Variants in MPDZ observed in about 807,000 individuals in gnomAD.
MPDZ encodes the protein multiple PDZ domain protein.
Under a neutral mutation model 239.1 loss-of-function variants are expected in MPDZ, and 234 were observed. The ratio of observed to expected loss-of-function variants is 0.98; its 90% CI spans 0.88 to 1.09. The LOEUF is 1.09. Among genes scored for constraint, MPDZ ranks in the 50% least tolerant of loss-of-function variants. The pLI is 0.00. For missense variants in MPDZ, 3,175 were observed against 2,510.0 expected (o/e 1.26, Z -5.66); for synonymous variants, 1,048 against 881.3 (o/e 1.19, Z -3.35).
Position 13,106,912 on chromosome 9 carries a change from T to C in MPDZ, c.*53A>G. On this transcript the variant is annotated 3_prime_UTR_variant, in exon 47 of 47. Transcript: ENST00000319217. ...AAATTGTCAGGACCAGTGCATTCTCTTTACAGTAGGAGGTGAGCTAGGGGT... is the reference window on the plus strand; with the variant it reads ...AAATTGTCAGGACCAGTGCATTCTCCTTACAGTAGGAGGTGAGCTAGGGGT... 5 of 1,596,352 alleles carry C rather than the reference T, an allele frequency of 3.1e-6. No homozygotes were observed. In the South Asian group the frequency reaches 4.5e-5, roughly 14 times the overall value.
Position 13,113,067 on chromosome 9 carries a change from A to T in MPDZ, c.5558-13T>A, listed in dbSNP as rs752498486. On this transcript the variant is annotated splice_polypyrimidine_tract_variant and intron_variant, in intron 41 of 46. Transcript: ENST00000319217. Reference sequence around the variant, plus strand: ...ATTTCAGATGCCACTGTAAAGGCAAAAAAGATAAAATAGGGTTATTTTATG... The same window carrying T: ...ATTTCAGATGCCACTGTAAAGGCAATAAAGATAAAATAGGGTTATTTTATG... 1.3e-6 allele frequency: 2 copies of T among 1,560,846 alleles called. No individual in the cohort carries two copies. Among genetic ancestry groups the T allele is most frequent in the Non-Finnish European group, 1.7e-6 (2 of 1,150,282 alleles).
chr9:13,138,255 A>G lies in MPDZ; in HGVS notation c.4004-102T>C, dbSNP rs1370903708. ...GTTTTACCTCAAAAGGACAGATTTT[A>G]TACCAAAATGTACGCTTTGACAGTT... is the stretch of plus-strand genomic sequence containing the variant. On this transcript the variant is annotated intron_variant, in intron 28 of 46. Coordinates refer to ENST00000319217, the MANE Select transcript of MPDZ (RefSeq NM_001378778.1). 1.0e-5 allele frequency: 13 copies of G among 1,241,536 alleles called. No homozygotes were observed. In the East Asian group the frequency reaches 2.9e-4, roughly 27 times the overall value. The allele number at this position is 1,241,536 out of a possible 1,614,324, so 76.9% of individuals were successfully genotyped here. A position where few individuals can be genotyped will look rare whatever the true frequency, so the allele number is the denominator to read the frequency against.
intron 24 of MPDZ, among the ~76,000 whole-genome samples, chr9:13,153,220 G>A (rs1345579613): frequency 1.3e-5 from 2 of 152,110 alleles, no homozygotes; most frequent in African/African-American, 4.8e-5. Context: ...AATGAAAGCA[G>A]ACACTGAGGC....
intron 4 of MPDZ, 80 bp from the exon 5 acceptor site, chr9:13,223,790 G>A (rs1959596558): frequency 1.2e-5 from 17 of 1,432,644 alleles, no homozygotes; most frequent in Non-Finnish European, 1.6e-5. Flanking sequence ...CCAGCACTTT[G>A]GGAGGCCAAG....
chr9:13,133,141 T>G (rs997696858), intron 32 of MPDZ, among the ~76,000 whole-genome samples: 13 of 152,136 alleles, frequency 8.5e-5, no homozygotes, highest in Non-Finnish European at 1.6e-4. Flanking sequence ...TCATTAAATA[T>G]TATAAACTCT....
chr9:13,180,664 T>G (rs1193455389), intron 19 of MPDZ, among the ~76,000 whole-genome samples: 2 of 152,162 alleles, frequency 1.3e-5, no homozygotes, highest in Admixed American at 1.3e-4. Context: ...AGGAGTAAAA[T>G]GATTAACCAA....
chr9:13,109,811 G>A, intron 45 of MPDZ, 141 bp downstream of exon 45: 2 of 668,702 alleles, frequency 3.0e-6, no homozygotes, highest in Non-Finnish European at 5.2e-6. Flanking sequence ...AGAAGCACCT[G>A]ATATGTATAA....
At chr9:13,236,588 T>G (rs1588023999) in intron 3 of MPDZ, among the ~76,000 whole-genome samples, 2 of 151,694 alleles carry the variant, frequency 1.3e-5, no homozygotes, top group East Asian at 3.9e-4. Flanking sequence ...GCCCTCCATG[T>G]GTATTTTATA....
chr9:13,114,387 A>G (rs1943022522), intron 40 of MPDZ, among the ~76,000 whole-genome samples: 1 of 152,204 alleles, frequency 6.6e-6, no homozygotes, highest in South Asian at 2.1e-4. Flanking sequence ...AACTCATGGT[A>G]GTAATTTAGA....
At chr9:13,251,748 T>C (rs1037424460) in intron 1 of MPDZ, among the ~76,000 whole-genome samples, 3 of 152,212 alleles carry the variant, frequency 2.0e-5, no homozygotes, top group African/African-American at 7.2e-5. Flanking sequence ...CTCTGTGTGA[T>C]AAGAGAGAAC....
At chr9:13,225,691 C>G (rs1960353471) in intron 3 of MPDZ, among the ~76,000 whole-genome samples, 1 of 152,114 alleles carries the variant, frequency 6.6e-6, no homozygotes, top group African/African-American at 2.4e-5. Flanking sequence ...GGTTGGTAGA[C>G]TAGGAGCAAT....
intron 44 of MPDZ, 94 bp downstream of exon 44, chr9:13,110,542 C>T (rs759844803): frequency 8.5e-6 from 7 of 820,902 alleles, no homozygotes; most frequent in Non-Finnish European, 1.4e-5. Flanking sequence ...AAAATAATAG[C>T]AGAAGATTTA....
At chr9:13,119,224 T>C (rs749844751) in intron 39 of MPDZ, among the ~76,000 whole-genome samples, 1 of 152,136 alleles carries the variant, frequency 6.6e-6, no homozygotes, top group East Asian at 1.9e-4. Context: ...GCTGGGACTA[T>C]AGGCACGCAC....
chr9:13,245,487 A>G (rs971816325), intron 3 of MPDZ, among the ~76,000 whole-genome samples: 3 of 151,218 alleles, frequency 2.0e-5, no homozygotes. Context: ...CTCTACTCTT[A>G]TAATCAAGTC....
intron 31 of MPDZ, chr9:13,134,907 C>G (rs2132187506): frequency 6.6e-6 from 1 of 152,542 alleles, no homozygotes; most frequent in East Asian, 1.9e-4. Context: ...TCTTCATAGT[C>G]TCTGATCTCT....
intron 24 of MPDZ, among the ~76,000 whole-genome samples, chr9:13,157,271 C>T (rs1485597872): frequency 6.6e-6 from 1 of 152,080 alleles, no homozygotes; most frequent in Admixed American, 6.6e-5. Context: ...CTATGTTTTA[C>T]TCTTAAGGTG....
intron 11 of MPDZ, 89 bp downstream of exon 11, chr9:13,205,827 C>A: frequency 1.7e-6 from 2 of 1,167,652 alleles, no homozygotes; most frequent in Non-Finnish European, 2.3e-6. Flanking sequence ...AATTAAGAAC[C>A]ATTCTGAAAT....
chr9:13,261,958 T>A (rs190539020), intron 1 of MPDZ, among the ~76,000 whole-genome samples: 66 of 151,804 alleles, frequency 4.3e-4, no homozygotes, highest in African/African-American at 1.5e-3. Context: ...GGTGAGAAGA[T>A]TATCTGAGCC....
chr9:13,185,978 C>T (rs1004656197), intron 18 of MPDZ, among the ~76,000 whole-genome samples: 12 of 152,006 alleles, frequency 7.9e-5, no homozygotes, highest in Admixed American at 4.6e-4. Flanking sequence ...GATATCTAAG[C>T]GTGAAATTGG....
Sources: gnomAD v4.1 joint callset for allele counts (sites outside exome capture counted in the v4.1 genomes callset) on GRCh38, gnomAD v4.1.1 for gene constraint, MANE v1.5 for transcripts, NCBI Gene and HGNC (gene_info 2026-07-23, HGNC 2026-07-21) for gene names.